RFC1: variants seen among roughly 807,000 people sequenced by gnomAD.
RFC1 encodes the protein replication factor C subunit 1.
In RFC1, 37 loss-of-function variants were observed where a neutral mutation model predicts 137.4. That is an observed-to-expected ratio of 0.27 (90% confidence interval 0.21 to 0.35). The LOEUF (loss-of-function observed/expected upper bound fraction) is 0.35. Among genes scored for constraint, RFC1 ranks in the 10% least tolerant of loss-of-function variants. The probability of loss-of-function intolerance (pLI) is 1.00; values close to 1 mark genes in which losing one functional copy is unlikely to be tolerated. For synonymous variants in RFC1, 429 were observed against 455.7 expected (o/e 0.94, Z 0.75); for missense variants, 1,205 against 1,358.5 (o/e 0.89, Z 1.78).
chr4:39,312,841 G>A lies in RFC1; in HGVS notation c.1294C>T (p.Arg432Cys), dbSNP rs774908169. 1.4e-5 allele frequency: 22 copies of A among 1,613,902 alleles called. No individual in the cohort carries two copies. The highest frequency in any genetic ancestry group is 2.2e-5 in the South Asian group (2 of 91,072). ...ERDEAKSLIE[R>C]YGGKVTGNVS... ...TTTCCTGTTACTTTTCCCCCATAACGTTCAATTAGAGACTTGGCCTCATCT... is the reference window on the plus strand; with the variant it reads ...TTTCCTGTTACTTTTCCCCCATAACATTCAATTAGAGACTTGGCCTCATCT... Residue 432 changes from arginine (R) to cysteine (C), a missense_variant, in exon 11 of 25, where the codon CGT becomes TGT. Physicochemically the swap from Arg to Cys is radical, Grantham distance 180. Around this residue, in one of 3 missense-constraint regions of RFC1, gnomAD observed 962 missense variants for 1,035.3 expected, o/e 0.93. Coordinates refer to ENST00000349703, the MANE Select transcript of RFC1 (RefSeq NM_002913.5).
intron 1 of RFC1, among the ~76,000 whole-genome samples, chr4:39,352,047 T>A (rs1194662602): frequency 6.8e-6 from 1 of 146,350 alleles, no homozygotes; most frequent in African/African-American, 2.5e-5. Flanking sequence ...CAGGCCAAAA[T>A]AAGCAAGTGA....
intron 14 of RFC1, 117 bp from the exon 15 acceptor site, chr4:39,305,045 T>C (rs1032826480): frequency 2.9e-6 from 2 of 701,476 alleles, no homozygotes; most frequent in East Asian, 2.5e-5. Context: ...AACCCATAGG[T>C]AAAGTATAAA....
At chr4:39,346,820 A>C (rs1740884529) in intron 2 of RFC1, among the ~76,000 whole-genome samples, 1 of 152,194 alleles carries the variant, frequency 6.6e-6, no homozygotes, top group Non-Finnish European at 1.5e-5. Context: ...ACAGAAAGAA[A>C]TCCCAAATTC....
Position 39,291,712 on chromosome 4 carries a change from T to C in RFC1, c.3095A>G (p.Glu1032Gly). The stretch of plus-strand genomic sequence containing the variant: ...GATTTCCATGATATTCTCAAAGTCT[T>C]CTTTCATCAAATAATATGTGTCCAT... ...ALMDTYYLMK[E>G]DFENIMEISS... Residue 1032 changes from glutamate (E) to glycine (G), a missense_variant, in exon 23 of 25, where the codon GAA (glutamate) becomes GGA (glycine). Coordinates refer to ENST00000349703, the MANE Select transcript of RFC1 (RefSeq NM_002913.5). The C allele has an allele frequency of 6.2e-7, 1 of 1,614,158 alleles. No homozygotes were observed. The highest frequency in any genetic ancestry group is 1.1e-5 in the South Asian group (1 of 91,082).
At chr4:39,342,084 T>C (rs948042462) in intron 4 of RFC1, among the ~76,000 whole-genome samples, 23 of 152,234 alleles carry the variant, frequency 1.5e-4, no homozygotes, top group Non-Finnish European at 7.3e-5. Flanking sequence ...ACTATTTTAA[T>C]ATGTGATTCA....
intron 2 of RFC1, among the ~76,000 whole-genome samples, chr4:39,348,946 C>A (rs1036188522): frequency 6.6e-6 from 1 of 152,186 alleles, no homozygotes; most frequent in Non-Finnish European, 1.5e-5. Context: ...TGTTTGGGAT[C>A]CATCACCCCT....
intron 1 of RFC1, among the ~76,000 whole-genome samples, chr4:39,354,391 T>C (rs1260772749): frequency 1.3e-5 from 2 of 152,112 alleles, no homozygotes; most frequent in Non-Finnish European, 1.5e-5. Context: ...CTTCAAAGAC[T>C]TCATGAAATG....
intron 6 of RFC1, among the ~76,000 whole-genome samples, chr4:39,324,516 T>C (rs1578138939): frequency 6.6e-6 from 1 of 152,234 alleles, no homozygotes; most frequent in African/African-American, 2.4e-5. Flanking sequence ...GATACTCGCT[T>C]GTAGTTTATG....
At chr4:39,359,409 G>A (rs972501005) in intron 1 of RFC1, among the ~76,000 whole-genome samples, 5 of 152,150 alleles carry the variant, frequency 3.3e-5, no homozygotes, top group African/African-American at 9.7e-5. Flanking sequence ...AATGGCATTC[G>A]CAGCAACCCA....
Position 39,362,463 on chromosome 4 carries a change from G to A in RFC1, c.3+3776C>T, listed in dbSNP as rs73139874. 6.4e-3 allele frequency among the ~76,000 whole-genome samples: 968 copies of A among 152,266 alleles called. 10 individuals are homozygous for A. Among genetic ancestry groups the A allele is most frequent in the African/African-American group, 0.021 (876 of 41,540 alleles). ...ATATATAGATCAATGGAACAGAACTGGGAGTTTAGAAATCAACTCTCGCAT... is the reference window on the plus strand; with the variant it reads ...ATATATAGATCAATGGAACAGAACTAGGAGTTTAGAAATCAACTCTCGCAT... On this transcript the variant is annotated intron_variant, in intron 1 of 24. Coordinates refer to ENST00000349703, the MANE Select transcript of RFC1 (RefSeq NM_002913.5).
At chr4:39,352,940 A>G (rs1489907325) in intron 1 of RFC1, among the ~76,000 whole-genome samples, 1 of 152,182 alleles carries the variant, frequency 6.6e-6, no homozygotes. Flanking sequence ...AGTACTTTGT[A>G]AAGTGTTAAG....
intron 1 of RFC1, among the ~76,000 whole-genome samples, chr4:39,352,756 G>A (rs750788901): frequency 2.0e-5 from 3 of 151,990 alleles, no homozygotes; most frequent in Non-Finnish European, 4.4e-5. Context: ...ATAGAGAAGG[G>A]TATAAGAAGA....
At chr4:39,341,604 T>A (rs1290676841) in intron 4 of RFC1, 5 of 456,164 alleles carry the variant, frequency 1.1e-5, no homozygotes, top group Non-Finnish European at 2.2e-5. Flanking sequence ...ACTCAATGTG[T>A]CAGGCACTGG....
intron 3 of RFC1, among the ~76,000 whole-genome samples, chr4:39,343,695 T>C (rs1312283066): frequency 6.6e-6 from 1 of 152,236 alleles, no homozygotes; most frequent in African/African-American, 2.4e-5. Flanking sequence ...TTTCAAATTC[T>C]TTACAATATA....
At position 39,308,962 on chromosome 4, in the gene RFC1, G is replaced by C. The variant is rs1738829736; in HGVS notation, c.1559C>G (p.Ser520Cys). The C allele has an allele frequency of 6.2e-7, 1 of 1,613,494 alleles. No homozygotes were observed. Among genetic ancestry groups the C allele is most frequent in the Non-Finnish European group, 8.5e-7 (1 of 1,179,978 alleles). The change falls in exon 13 of 25, where the codon TCT (serine) becomes TGT (cysteine). Residue 520 changes from serine to cysteine, a missense_variant. Transcript: ENST00000349703. ...NVQGKRKISP[S>C]KKESESKKSR... Reference sequence around the variant, plus strand: ...CTTTTTAGATTCTGATTCCTTTTTAGATGGACTAATTTTTCTTTTTCCTTG... The same window carrying C: ...CTTTTTAGATTCTGATTCCTTTTTACATGGACTAATTTTTCTTTTTCCTTG...
At position 39,287,955 on chromosome 4, in the gene RFC1, C is replaced by T. The variant is rs1433814558; in HGVS notation, c.*806G>A. On this transcript the variant is annotated 3_prime_UTR_variant, in exon 25 of 25. Transcript: ENST00000349703. ...AATGTCTGAGAATCTTCTGCAGCCC[C>T]CCACGCTGCAAAGCCCCATAACAGA... 6.6e-6 allele frequency: 1 copy of T among 152,230 alleles called. No homozygotes were observed. Among genetic ancestry groups the T allele is most frequent in the Non-Finnish European group, 1.5e-5 (1 of 68,070 alleles). The allele number at this position is 152,230 out of a possible 1,614,324, so 9.4% of individuals were successfully genotyped here.
chr4:39,291,798 A>G lies in RFC1; in HGVS notation c.3009T>C (p.Asp1003=), dbSNP rs774029496. The G allele has an allele frequency of 2.5e-5, 41 of 1,614,188 alleles. No homozygotes were observed. The Admixed American group carries it at 6.5e-4, about 26-fold the overall frequency. The change falls in exon 23 of 25, where the codon GAT becomes GAC. Residue 1003 remains aspartate (D), a synonymous_variant. Coordinates refer to ENST00000349703, the MANE Select transcript of RFC1 (RefSeq NM_002913.5). ...VNMDYLSLLR[D]ALVQPLTSQG... is the part of the protein sequence containing the mutation. ...GTGAGGTCAAGGGCTGTACAAGTGCATCCCTTAGAAGCGACAGATAATCCA... is the reference window on the plus strand; with the variant it reads ...GTGAGGTCAAGGGCTGTACAAGTGCGTCCCTTAGAAGCGACAGATAATCCA...
In RFC1 at chr4:39,316,938, G is replaced by C; in HGVS notation, c.1180C>G (p.Leu394Val). The change falls in exon 10 of 25, where the codon CTG becomes GTG. Residue 394 changes from leucine (L) to valine (V), a missense_variant. Coordinates refer to ENST00000349703, the MANE Select transcript of RFC1 (RefSeq NM_002913.5). ...ACCTTTGGTATTTCTTTGGAGCCCA[G>C]AGCCTTGGGACCTTCTCGATTTAAG... ...SYLNREGPKALGSKEIPKGAE... is the reference protein window; with the variant it reads ...SYLNREGPKAVGSKEIPKGAE... 1 of 1,613,772 alleles carries C rather than the reference G, an allele frequency of 6.2e-7. No individual in the cohort carries two copies. Among genetic ancestry groups the C allele is most frequent in the South Asian group, 1.1e-5 (1 of 91,060 alleles).
chr4:39,308,676 G>T lies in RFC1; in HGVS notation c.1845C>A (p.Leu615=). The change falls in exon 13 of 25, where the codon CTC becomes CTA. Residue 615 remains leucine (L), a synonymous_variant. Transcript: ENST00000349703. ...QSCANKLLRW[L]RNWQKSSSED... ...CGGAAGAACTCTTTTGCCAGTTTCG[G>T]AGCCAGCGTAGGAGTTTGTTGGCAC... The T allele has an allele frequency of 6.2e-7, 1 of 1,612,202 alleles. No individual in the cohort carries two copies. The highest frequency in any genetic ancestry group is 8.5e-7 in the Non-Finnish European group (1 of 1,179,360).
Sources: gnomAD v4.1 joint callset for allele counts (sites outside exome capture counted in the v4.1 genomes callset) on GRCh38, gnomAD v4.1.1 for gene constraint, gnomAD v4.1.1 regional missense constraint, MANE v1.5 for transcripts, NCBI Gene and HGNC (gene_info 2026-07-23, HGNC 2026-07-21) for gene names.